The following AUTS2 variants were observed in gnomAD, a reference collection of about 807,000 sequenced individuals.
The protein encoded by AUTS2 is autism susceptibility gene 2 protein.
In AUTS2, 17 loss-of-function variants were observed where a neutral mutation model predicts 112.4. The ratio of observed to expected loss-of-function variants is 0.15; its 90% CI spans 0.10 to 0.23. AUTS2 has a LOEUF of 0.23. AUTS2 is among the 10% of genes least tolerant of loss of function. The probability of loss-of-function intolerance (pLI) is 1.00; values close to 1 mark genes in which losing one functional copy is unlikely to be tolerated. For missense variants in AUTS2, 1,510 were observed against 1,701.6 expected (o/e 0.89, Z 1.98); for synonymous variants, 751 against 702.7 (o/e 1.07, Z -1.09).
chr7:70,076,243 G>A (rs979649871), intron 2 of AUTS2, among the ~76,000 whole-genome samples: 6 of 151,852 alleles, frequency 4.0e-5, no homozygotes, highest in South Asian at 2.1e-4. Context: ...AAAAAGCATC[G>A]CATTAAAATC....
chr7:69,752,290 T>C (rs548508865), intron 1 of AUTS2, among the ~76,000 whole-genome samples: 23 of 152,240 alleles, frequency 1.5e-4, no homozygotes, highest in South Asian at 4.1e-4. Context: ...AACACAGCTT[T>C]GGCTTGCCCA....
intron 2 of AUTS2, among the ~76,000 whole-genome samples, chr7:70,101,906 C>T (rs1804516998): frequency 1.3e-5 from 2 of 152,060 alleles, no homozygotes; most frequent in African/African-American, 2.4e-5. Context: ...CAAATATTCT[C>T]CATATTATTG....
intron 1 of AUTS2, among the ~76,000 whole-genome samples, chr7:69,712,426 T>C (rs1798369600): frequency 1.1e-5 from 1 of 92,542 alleles, no homozygotes; most frequent in African/African-American, 3.5e-5. Context: ...GTTTCTATCA[T>C]TGTAGATTAA....
intron 5 of AUTS2, among the ~76,000 whole-genome samples, chr7:70,562,227 G>A (rs1437726318): frequency 6.6e-6 from 1 of 152,198 alleles, no homozygotes; most frequent in East Asian, 1.9e-4. Flanking sequence ...AGCACAAAAT[G>A]GACAAATACA....
At chr7:70,152,151 T>TA (rs1333167647) in intron 4 of AUTS2, among the ~76,000 whole-genome samples, 2 of 152,106 alleles carry the variant, frequency 1.3e-5, no homozygotes, top group Non-Finnish European at 2.9e-5. Flanking sequence ...ATGAAAAGAT[T>TA]AGAGAATTTG....
At chr7:70,382,823 T>A (rs185761906) in intron 4 of AUTS2, among the ~76,000 whole-genome samples, 1 of 152,336 alleles carries the variant, frequency 6.6e-6, no homozygotes, top group Non-Finnish European at 1.5e-5. Flanking sequence ...TCTCTTCCTT[T>A]TTTATTAAAA....
intron 1 of AUTS2, among the ~76,000 whole-genome samples, chr7:69,746,071 C>T (rs1038123152): frequency 6.6e-6 from 1 of 151,964 alleles, no homozygotes; most frequent in African/African-American, 2.4e-5. Flanking sequence ...GACACGGTCT[C>T]CCTATGTTAC....
chr7:70,101,977 C>T (rs1414870267), intron 2 of AUTS2, among the ~76,000 whole-genome samples: 1 of 151,980 alleles, frequency 6.6e-6, no homozygotes, highest in African/African-American at 2.4e-5. Context: ...AAGAAAAATC[C>T]CACATTTATT....
chr7:69,853,337 TA>T (rs1359886004), intron 1 of AUTS2, among the ~76,000 whole-genome samples: 1 of 152,204 alleles, frequency 6.6e-6, no homozygotes, highest in African/African-American at 2.4e-5. Flanking sequence ...CATTTGGGAT[TA>T]CTATATTTGC....
At position 70,242,993 on chromosome 7, in the gene AUTS2, T is replaced by C. The variant is rs187979797; in HGVS notation, c.660+108422T>C. Among the ~76,000 whole-genome samples, 952 of 152,282 alleles carry C rather than the reference T, an allele frequency of 6.3e-3. 4 individuals are homozygous for C. Among genetic ancestry groups the C allele is most frequent in the Non-Finnish European group, 9.0e-3 (610 of 68,026 alleles). On this transcript the variant is annotated intron_variant, in intron 4 of 18. Coordinates refer to ENST00000342771, the MANE Select transcript of AUTS2 (RefSeq NM_015570.4). ...CTACTGCCTTCCACACATTCAGCAT[T>C]ACTATTCTTGCCTATTTTACCCTTA...
intron 1 of AUTS2, among the ~76,000 whole-genome samples, chr7:69,655,780 C>T (rs1034823396): frequency 2.6e-5 from 4 of 152,064 alleles, no homozygotes; most frequent in South Asian, 2.1e-4. Context: ...AGGGGAGGGC[C>T]GTGCCTTCCT....
At chr7:69,604,143 A>T (rs540198607) in intron 1 of AUTS2, among the ~76,000 whole-genome samples, 1 of 152,214 alleles carries the variant, frequency 6.6e-6, no homozygotes, top group African/African-American at 2.4e-5. Flanking sequence ...TAGAGCATCA[A>T]ACCAAGACTT....
At chr7:69,801,542 G>A (rs1790082964) in intron 1 of AUTS2, among the ~76,000 whole-genome samples, 3 of 150,922 alleles carry the variant, frequency 2.0e-5, no homozygotes, top group Admixed American at 1.3e-4. Context: ...TATATGTGGT[G>A]TATATATACA....
At chr7:70,227,306 C>A (rs1280829893) in intron 4 of AUTS2, among the ~76,000 whole-genome samples, 6 of 142,128 alleles carry the variant, frequency 4.2e-5, no homozygotes, top group Non-Finnish European at 7.6e-5. Flanking sequence ...TCACTTTTCT[C>A]ATGCATTTAA....
At chr7:70,605,877 T>C (rs908563410) in intron 5 of AUTS2, among the ~76,000 whole-genome samples, 5 of 152,216 alleles carry the variant, frequency 3.3e-5, no homozygotes, top group Non-Finnish European at 4.4e-5. Flanking sequence ...AGAAGGCTCA[T>C]TGGCACTACA....
intron 4 of AUTS2, among the ~76,000 whole-genome samples, chr7:70,418,914 T>G (rs2130632596): frequency 6.6e-6 from 1 of 152,184 alleles, no homozygotes; most frequent in East Asian, 1.9e-4. Context: ...TATATATAAC[T>G]CTATGTATCT....
chr7:70,515,297 A>G (rs1322825731), intron 5 of AUTS2, among the ~76,000 whole-genome samples: 2 of 152,164 alleles, frequency 1.3e-5, no homozygotes, highest in East Asian at 1.9e-4. Flanking sequence ...GGTGGTGCCA[A>G]TTAAGAGGCT....
chr7:69,844,610 T>A (rs1385356886), intron 1 of AUTS2, among the ~76,000 whole-genome samples: 1 of 152,140 alleles, frequency 6.6e-6, no homozygotes, highest in Non-Finnish European at 1.5e-5. Flanking sequence ...AAATCTACAT[T>A]TAAATGGAAA....
chr7:69,667,928 T>A (rs1796145600), intron 1 of AUTS2, among the ~76,000 whole-genome samples: 2 of 152,212 alleles, frequency 1.3e-5, no homozygotes, highest in Non-Finnish European at 2.9e-5. Context: ...TCACTATACC[T>A]ATCTTACTTG....
Sources: gnomAD v4.1 joint callset for allele counts (sites outside exome capture counted in the v4.1 genomes callset) on GRCh38, gnomAD v4.1.1 for gene constraint, MANE v1.5 for transcripts, NCBI Gene and HGNC (gene_info 2026-07-23, HGNC 2026-07-21) for gene names.